Variants in DPP10 observed in about 807,000 individuals in gnomAD.
DPP10 encodes dipeptidyl peptidase like 10, also known as inactive dipeptidyl peptidase 10.
Under a neutral mutation model 120.9 loss-of-function variants are expected in DPP10, and 33 were observed. The observed-to-expected ratio is 0.27, with a 90% CI of 0.21 to 0.37. DPP10 has a LOEUF of 0.37. Among genes scored for constraint, DPP10 ranks in the 10% least tolerant of loss-of-function variants. The pLI, the probability that DPP10 is intolerant of heterozygous loss-of-function variation, is 1.00. For missense variants in DPP10, 816 were observed against 942.8 expected (o/e 0.87, Z 1.76); for synonymous variants, 337 against 326.1 (o/e 1.03, Z -0.36).
chr2:115,256,716 C>T (rs1464897591), intron 1 of DPP10, among the ~76,000 whole-genome samples: 1 of 152,214 alleles, frequency 6.6e-6, no homozygotes, highest in Non-Finnish European at 1.5e-5. Context: ...GGTTGCTTCA[C>T]AGCCCACTTG....
At chr2:114,538,252 T>C (rs2104784804) in intron 1 of DPP10, among the ~76,000 whole-genome samples, 1 of 152,342 alleles carries the variant, frequency 6.6e-6, no homozygotes, top group East Asian at 1.9e-4. Flanking sequence ...TTTGCTCTGC[T>C]TGATGAACAG....
At chr2:115,754,689 G>A (rs1415139132) in intron 11 of DPP10, among the ~76,000 whole-genome samples, 2 of 152,064 alleles carry the variant, frequency 1.3e-5, no homozygotes, top group East Asian at 3.9e-4. Context: ...TCAATCATAT[G>A]ATCAATACTA....
rs1160913956 is a variant in DPP10, at chr2:114,898,389, C to A, written c.61-410850C>A. Reference sequence around the variant, plus strand: ...GGGAGGGATAGCTTTAGGAGATATACCTAATGCTAAATGATGAGTTAATGG... The same window carrying A: ...GGGAGGGATAGCTTTAGGAGATATAACTAATGCTAAATGATGAGTTAATGG... On this transcript the variant is annotated intron_variant, in intron 1 of 25. Transcript: ENST00000410059. Among the ~76,000 whole-genome samples the A allele has an allele frequency of 2.6e-5, 4 of 151,982 alleles. No individual in the cohort carries two copies. The East Asian group carries it at 7.8e-4, about 30-fold the overall frequency.
intron 2 of DPP10, among the ~76,000 whole-genome samples, chr2:115,331,908 G>A (rs1338678403): frequency 3.3e-5 from 5 of 152,098 alleles, no homozygotes; most frequent in African/African-American, 1.2e-4. Context: ...GTCTCTGCCA[G>A]GCTTTGGTAT....
At chr2:114,993,204 C>G (rs989924310) in intron 1 of DPP10, among the ~76,000 whole-genome samples, 2 of 152,090 alleles carry the variant, frequency 1.3e-5, no homozygotes. Context: ...CCCTACAGTT[C>G]CCAGAACCTA....
chr2:114,620,524 A>G (rs1210874987), intron 1 of DPP10, among the ~76,000 whole-genome samples: 2 of 152,080 alleles, frequency 1.3e-5, no homozygotes, highest in African/African-American at 4.8e-5. Flanking sequence ...AAGTAAAAAA[A>G]CCTATTATAG....
At chr2:114,571,264 G>A (rs949744122) in intron 1 of DPP10, among the ~76,000 whole-genome samples, 1 of 152,036 alleles carries the variant, frequency 6.6e-6, no homozygotes, top group African/African-American at 2.4e-5. Context: ...GTGAATGAGT[G>A]AGTTATCGTG....
rs967579058 is a variant in DPP10, at chr2:115,603,724, A to G, written c.441+77752A>G. ...ATCTTAACCATTTTAGAGCACTGCT[A>G]TTTCTTCACTGGAATTTGGATCAGA... On this transcript the variant is annotated intron_variant, in intron 5 of 25. Coordinates refer to ENST00000410059, the MANE Select transcript of DPP10 (RefSeq NM_020868.6). Among the ~76,000 whole-genome samples, 161 of 152,108 alleles carry G rather than the reference A, an allele frequency of 1.1e-3. 1 individual carries two copies. Among genetic ancestry groups the G allele is most frequent in the Middle Eastern group, 3.2e-3 (1 of 316 alleles).
intron 1 of DPP10, among the ~76,000 whole-genome samples, chr2:115,259,966 AAT>A (rs2059178427): frequency 6.6e-6 from 1 of 151,670 alleles, no homozygotes; most frequent in Admixed American, 6.6e-5. Flanking sequence ...TTTTATTTAT[AAT>A]TTAAAATATG....
intron 19 of DPP10, among the ~76,000 whole-genome samples, chr2:115,793,814 G>A (rs1053079362): frequency 1.8e-4 from 27 of 151,860 alleles, no homozygotes; most frequent in South Asian, 2.1e-4. Flanking sequence ...GGAAATTATC[G>A]AAAGCGTCAC....
intron 3 of DPP10, among the ~76,000 whole-genome samples, chr2:115,346,821 A>G (rs1040671222): frequency 2.0e-5 from 3 of 152,178 alleles, no homozygotes; most frequent in African/African-American, 7.2e-5. Context: ...GGCTTAACTC[A>G]GAAACTTATC....
chr2:115,460,959 A>T (rs2105069937), intron 3 of DPP10, among the ~76,000 whole-genome samples: 1 of 152,290 alleles, frequency 6.6e-6, no homozygotes, highest in South Asian at 2.1e-4. Context: ...ATTTCTCGTT[A>T]TATTTCAGAG....
chr2:114,801,288 G>A (rs56937220), intron 1 of DPP10, among the ~76,000 whole-genome samples: 71,209 of 142,582 alleles, frequency 0.5, 18,823 homozygotes, highest in East Asian at 0.77. Flanking sequence ...AAGAAAAAAA[G>A]AAAGAAAGAA....
chr2:114,750,576 G>A (rs907762297), intron 1 of DPP10, among the ~76,000 whole-genome samples: 17 of 152,036 alleles, frequency 1.1e-4, no homozygotes, highest in Admixed American at 8.5e-4. Flanking sequence ...CTCGTGATCC[G>A]CCCGCCTCAG....
chr2:114,554,056 C>G (rs1346762689), intron 1 of DPP10, among the ~76,000 whole-genome samples: 5 of 152,172 alleles, frequency 3.3e-5, no homozygotes, highest in Non-Finnish European at 7.3e-5. Flanking sequence ...TCATCAGGAA[C>G]AACTTTTCAT....
chr2:115,557,153 GTCTC>G (rs893896730), intron 5 of DPP10, among the ~76,000 whole-genome samples: 2 of 152,074 alleles, frequency 1.3e-5, no homozygotes, highest in Non-Finnish European at 2.9e-5. Context: ...GTCTGTGGGT[GTCTC>G]TCTCTCCCTC....
At chr2:115,046,986 A>G (rs1358199584) in intron 1 of DPP10, among the ~76,000 whole-genome samples, 2 of 152,060 alleles carry the variant, frequency 1.3e-5, no homozygotes, top group African/African-American at 4.8e-5. Context: ...CATATTAACC[A>G]TGAACCTTAC....
At chr2:114,739,522 A>G (rs1344967837) in intron 1 of DPP10, among the ~76,000 whole-genome samples, 1 of 152,036 alleles carries the variant, frequency 6.6e-6, no homozygotes, top group East Asian at 1.9e-4. Flanking sequence ...AACCAAGTGT[A>G]GTGGCACGCA....
At chr2:114,588,301 A>C (rs1370696119) in intron 1 of DPP10, among the ~76,000 whole-genome samples, 2 of 152,212 alleles carry the variant, frequency 1.3e-5, no homozygotes, top group African/African-American at 4.8e-5. Flanking sequence ...ACTAGCAAAA[A>C]AGAAGTGGTT....
Sources: gnomAD v4.1 joint callset for allele counts (sites outside exome capture counted in the v4.1 genomes callset) on GRCh38, gnomAD v4.1.1 for gene constraint, MANE v1.5 for transcripts, NCBI Gene and HGNC (gene_info 2026-07-23, HGNC 2026-07-21) for gene names.